Variants in ANKRD28 observed in about 807,000 individuals in gnomAD.
The protein encoded by ANKRD28 is serine/threonine-protein phosphatase 6 regulatory ankyrin repeat subunit A.
In ANKRD28, 44 loss-of-function variants were observed where a neutral mutation model predicts 126.5. The observed-to-expected ratio is 0.35, with a 90% CI of 0.27 to 0.45. ANKRD28 has a LOEUF of 0.45. Ranked by LOEUF, ANKRD28 falls within the 20% of genes least tolerant of loss-of-function variation. The pLI, the probability that ANKRD28 is intolerant of heterozygous loss-of-function variation, is 1.00. For missense variants in ANKRD28, 1,110 were observed against 1,316.6 expected (o/e 0.84, Z 2.43); for synonymous variants, 442 against 468.5 (o/e 0.94, Z 0.73).
Position 15,814,312 on chromosome 3 carries a change from G to GTAGC in ANKRD28, c.28-19010_28-19007dup. The GTAGC allele has an allele frequency of 7.8e-7, 1 of 1,273,960 alleles. No individual in the cohort carries two copies. The highest frequency in any genetic ancestry group is 1.0e-6 in the Non-Finnish European group (1 of 982,652). The allele number at this position is 1,273,960 out of a possible 1,614,324, so 78.9% of individuals were successfully genotyped here. A position where few individuals can be genotyped will look rare whatever the true frequency, so the allele number is the denominator to read the frequency against. ...CTGTTTCAATTCCAATCACAGGCCT[G>GTAGC]TAGCAGAAAACAGATATCAAAAGAA... is the stretch of plus-strand genomic sequence containing the variant. On this transcript the variant is annotated intron_variant, in intron 1 of 27. Transcript: ENST00000399451. The surrounding 1 kb of genome is among the most constrained non-coding windows in gnomAD (Gnocchi z 4.7).
chr3:15,738,441 C>T (rs528450124), intron 4 of ANKRD28: 2 of 152,126 alleles, frequency 1.3e-5, no homozygotes, highest in African/African-American at 4.8e-5. Context: ...GATCACAGGA[C>T]CAGGTGAAAT....
upstream of ANKRD28, chr3:15,859,787 G>A (rs1373266075): frequency 2.6e-5 from 4 of 152,256 alleles, no homozygotes; most frequent in African/African-American, 7.2e-5. Flanking sequence ...TCCAGCCCGC[G>A]GCAGCGGCGG....
intron 2 of ANKRD28, among the ~76,000 whole-genome samples, chr3:15,776,843 C>T (rs1575636968): frequency 1.3e-5 from 2 of 152,276 alleles, no homozygotes; most frequent in Admixed American, 1.3e-4. Flanking sequence ...AATTAAAACA[C>T]ATCTGAATTA....
chr3:15,667,253 CTTTA>C lies in ANKRD28; in HGVS notation c.*3013_*3016del, dbSNP rs891844184. On this transcript the variant is annotated 3_prime_UTR_variant, in exon 28 of 28. Coordinates refer to ENST00000683139, the MANE Select transcript of ANKRD28 (RefSeq NM_001349278.2). ...ACACTTGATTTATTGCATTAAAAAACTTTATTTCTTTTAAAAGGTCCAATATAAG... is the reference window on the plus strand; with the variant it reads ...ACACTTGATTTATTGCATTAAAAAACTTTCTTTTAAAAGGTCCAATATAAG... The C allele has an allele frequency of 2.6e-5, 4 of 152,224 alleles. No individual in the cohort carries two copies. The highest frequency in any genetic ancestry group is 4.4e-5 in the Non-Finnish European group (3 of 67,990). The allele number at this position is 152,224 out of a possible 1,614,324, so 9.4% of individuals were successfully genotyped here. A position where few individuals can be genotyped will look rare whatever the true frequency, so the allele number is the denominator to read the frequency against.
At chr3:15,757,694 T>C (rs1420587484) in intron 3 of ANKRD28, among the ~76,000 whole-genome samples, 4 of 152,156 alleles carry the variant, frequency 2.6e-5, no homozygotes, top group African/African-American at 9.7e-5. Flanking sequence ...CCTCACCAGA[T>C]ACCAAATCTT....
chr3:15,787,794 CTG>C (rs1392637273), intron 2 of ANKRD28, among the ~76,000 whole-genome samples: 1 of 152,134 alleles, frequency 6.6e-6, no homozygotes, highest in Non-Finnish European at 1.5e-5. Context: ...TCAGAAAAGA[CTG>C]TATTTGCTGA....
chr3:15,795,300 GTGA>G lies in ANKRD28; in HGVS notation c.121_123del (p.Ser41del), dbSNP rs1290316643. On this transcript the variant is annotated inframe_deletion, in exon 2 of 28. Transcript: ENST00000683139. ...TCTCCGTTAAATATAGCTTGCACCAGTGATGGCTAAAATAGAAGAGAGTAATAA... is the reference window on the plus strand; with the variant it reads ...TCTCCGTTAAATATAGCTTGCACCAGTGGCTAAAATAGAAGAGAGTAATAA... The G allele has an allele frequency of 3.7e-6, 6 of 1,607,390 alleles. No homozygotes were observed.
At chr3:15,751,707 AATGTT>A in intron 4 of ANKRD28, 38 bp downstream of exon 4, 1 of 1,274,396 alleles carries the variant, frequency 7.8e-7, no homozygotes, top group Non-Finnish European at 1.1e-6. Flanking sequence ...ACGCCTATTT[AATGTT>A]TTCATATAAA....
Position 15,781,095 on chromosome 3 carries a change from G to GA in ANKRD28, c.201+14127dup, listed in dbSNP as rs574506991. On this transcript the variant is annotated intron_variant, in intron 2 of 27. Transcript: ENST00000683139. ...CATTAAATGAAAAAGCTTTTGCACA[G>GA]AAAAAAAAAAAATCACATGTATATA... Among the ~76,000 whole-genome samples, 527 of 132,558 alleles carry GA rather than the reference G, an allele frequency of 4.0e-3. 2 individuals are homozygous for GA. Among genetic ancestry groups the GA allele is most frequent in the African/African-American group, 9.8e-3 (354 of 36,074 alleles). The allele number at this position is 132,558 out of a possible 152,430, so 87.0% of individuals were successfully genotyped here.
chr3:15,782,118 A>T (rs566147702), intron 2 of ANKRD28, among the ~76,000 whole-genome samples: 7 of 152,284 alleles, frequency 4.6e-5, no homozygotes, highest in Non-Finnish European at 1.0e-4. Flanking sequence ...TGGAATATGT[A>T]AGATTTTTCA....
intron 27 of ANKRD28, among the ~76,000 whole-genome samples, chr3:15,671,659 C>T (rs1025463213): frequency 4.0e-5 from 6 of 150,754 alleles, no homozygotes; most frequent in African/African-American, 1.5e-4. Context: ...ACTTGGCTCA[C>T]TGCAACCTTT....
intron 4 of ANKRD28, among the ~76,000 whole-genome samples, chr3:15,747,565 T>C (rs1045096327): frequency 2.6e-5 from 4 of 152,208 alleles, no homozygotes; most frequent in Non-Finnish European, 4.4e-5. Flanking sequence ...GAGTACTTGA[T>C]ATAATTTAGG....
intron 21 of ANKRD28, 145 bp downstream of exon 21, chr3:15,685,081 T>G (rs901466671): frequency 1.5e-5 from 11 of 739,500 alleles, no homozygotes; most frequent in Non-Finnish European, 2.5e-5. Flanking sequence ...GCCTACGTAC[T>G]AAGTATTATT....
chr3:15,784,925 A>G (rs7626198), intron 2 of ANKRD28, among the ~76,000 whole-genome samples: 107,808 of 151,904 alleles, frequency 0.71, 38,498 homozygotes, highest in East Asian at 0.93. Context: ...GAACTCTGTC[A>G]TATAATGAAG....
At chr3:15,859,443 C>CGCCGCT (rs760404294) in exon 1 of ANKRD28, 108,985 of 1,478,202 alleles carry the variant, frequency 0.074, 4,608 homozygotes, top group Middle Eastern at 0.11. Flanking sequence ...CCTCCTCCTC[C>CGCCGCT]GCCGCTGCCG....
rs1343768336 is a variant in ANKRD28, at chr3:15,838,774, A to G, written c.27+20603T>C. Reference sequence around the variant, plus strand: ...AAAAAAAAAAAAAAATCTTCGCAAGAGAAGTTAAAACGTGTCCATACACAG... The same window carrying G: ...AAAAAAAAAAAAAAATCTTCGCAAGGGAAGTTAAAACGTGTCCATACACAG... On this transcript the variant is annotated intron_variant, in intron 1 of 27. Transcript: ENST00000399451. The surrounding 1 kb of genome is among the most constrained non-coding windows in gnomAD (Gnocchi z 4.0). 6.6e-6 allele frequency among the ~76,000 whole-genome samples: 1 copy of G among 152,128 alleles called. No homozygotes were observed. Among genetic ancestry groups the G allele is most frequent in the African/African-American group, 2.4e-5 (1 of 41,442 alleles).
At chr3:15,764,524 G>C (rs2125534564) in intron 3 of ANKRD28, among the ~76,000 whole-genome samples, 1 of 135,892 alleles carries the variant, frequency 7.4e-6, no homozygotes, top group East Asian at 2.0e-4. Flanking sequence ...TTTCTCCTGG[G>C]TGTAAAAATA....
chr3:15,805,477 T>C (rs1456959053), intron 1 of ANKRD28, among the ~76,000 whole-genome samples: 2 of 152,206 alleles, frequency 1.3e-5, no homozygotes, highest in Non-Finnish European at 1.5e-5. Context: ...ATGAGTAGTA[T>C]CTCTGACATA....
rs2060828322 is a variant in ANKRD28 at position 15,816,224 on chromosome 3, A to C, written c.28-20918T>G. ...AATTTACATATCTTATAGAAAAATT[A>C]AATTTTCTTACTTTAACCAAATCCA... On this transcript the variant is annotated intron_variant, in intron 1 of 27. Transcript: ENST00000399451. This position sits in a 1 kb window ranked among gnomAD's most constrained non-coding sequence, Gnocchi z 5.0. 6.6e-6 allele frequency among the ~76,000 whole-genome samples: 1 copy of C among 152,236 alleles called. No homozygotes were observed. Among genetic ancestry groups the C allele is most frequent in the African/African-American group, 2.4e-5 (1 of 41,462 alleles).
Sources: gnomAD v4.1 joint callset for allele counts (sites outside exome capture counted in the v4.1 genomes callset) on GRCh38, gnomAD v4.1.1 for gene constraint, Gnocchi (gnomAD v3.1) non-coding constraint, MANE v1.5 for transcripts, NCBI Gene and HGNC (gene_info 2026-07-23, HGNC 2026-07-21) for gene names.